Variants in SAMD4B observed in about 807,000 individuals in gnomAD.
The protein encoded by SAMD4B is protein Smaug homolog 2.
SAMD4B carries 5 observed loss-of-function variants against 74.5 expected under a neutral mutation model. That is an observed-to-expected ratio of 0.07 (90% CI 0.04 to 0.14). The LOEUF (loss-of-function observed/expected upper bound fraction) is 0.14. Ranked by LOEUF, SAMD4B falls within the 10% of genes least tolerant of loss-of-function variation. The pLI, the probability that SAMD4B is intolerant of heterozygous loss-of-function variation, is 1.00. For synonymous variants in SAMD4B, 373 were observed against 374.9 expected (o/e 1.00, Z 0.06); for missense variants, 608 against 921.8 (o/e 0.66, Z 4.41).
intron 3 of SAMD4B, among the ~76,000 whole-genome samples, chr19:39,360,976 C>T (rs912713084): frequency 1.3e-5 from 2 of 152,092 alleles, no homozygotes; most frequent in Admixed American, 1.3e-4. Flanking sequence ...ATGAGACACC[C>T]AAGAGTTGTA....
At chr19:39,386,754 G>A (rs764685431), downstream of SAMD4B, 9 of 1,614,016 alleles carry the variant, frequency 5.6e-6, no homozygotes, top group Non-Finnish European at 7.6e-6. The surrounding 1 kb of genome is among the most constrained non-coding windows in gnomAD (Gnocchi z 6.1). Flanking sequence ...GGGCGTTGGT[G>A]CCTGACTGAA....
At chr19:39,351,881 AG>A (rs1436546061) in intron 1 of SAMD4B, 1 of 152,226 alleles carries the variant, frequency 6.6e-6, no homozygotes, top group African/African-American at 2.4e-5. Flanking sequence ...CCACTTCTGG[AG>A]CCAAGAAAGA....
intron 3 of SAMD4B, among the ~76,000 whole-genome samples, chr19:39,360,796 A>C (rs770170470): frequency 6.6e-6 from 1 of 152,166 alleles, no homozygotes; most frequent in East Asian, 1.9e-4. Context: ...TTGCATCATC[A>C]TCAGAATCAC....
At chr19:39,379,606 T>C (rs1418582111) in intron 9 of SAMD4B, among the ~76,000 whole-genome samples, 2 of 152,332 alleles carry the variant, frequency 1.3e-5, no homozygotes, top group Admixed American at 1.3e-4. Flanking sequence ...AGTCTCGCTC[T>C]GTTGCCCAGG....
intron 1 of SAMD4B, among the ~76,000 whole-genome samples, chr19:39,348,658 G>A (rs774206939): frequency 6.6e-6 from 1 of 152,166 alleles, no homozygotes; most frequent in Non-Finnish European, 1.5e-5. Flanking sequence ...GTTTTTAAAA[G>A]CAAGACAGCG....
At chr19:39,372,887 G>T (rs2077390282) in intron 4 of SAMD4B, among the ~76,000 whole-genome samples, 1 of 152,236 alleles carries the variant, frequency 6.6e-6, no homozygotes. Context: ...GGGGACAGAA[G>T]CCAGGGCTGA....
In SAMD4B at chr19:39,374,296, A is replaced by G. The variant is rs112956002; in HGVS notation, c.668-1354A>G. 6.2e-3 allele frequency among the ~76,000 whole-genome samples: 937 copies of G among 152,140 alleles called. 9 individuals carry two copies. The highest frequency in any genetic ancestry group is 0.021 in the African/African-American group (891 of 41,496). On this transcript the variant is annotated intron_variant, in intron 4 of 13. Transcript: ENST00000610417. ...AAAATCAAGTTGGATTCCTTTGCCA[A>G]CCTCAGACTTGGGATGGACAGAGGG...
rs2078125226 is a variant in SAMD4B at position 39,383,452 on chromosome 19, TC to T, written c.2057-44del. On this transcript the variant is annotated intron_variant, in intron 13 of 13. Coordinates refer to ENST00000610417, the MANE Select transcript of SAMD4B (RefSeq NM_001384574.2). This position sits in a 1 kb window ranked among gnomAD's most constrained non-coding sequence, Gnocchi z 4.1. Reference sequence around the variant, plus strand: ...CTACCTGAGTGCCTTTTCTTGGGCCTCCCTCCAGCTCCTGATCTTCCTCCCT... The same window carrying T: ...CTACCTGAGTGCCTTTTCTTGGGCCTCCTCCAGCTCCTGATCTTCCTCCCT... 6.2e-7 allele frequency: 1 copy of T among 1,606,826 alleles called. No homozygotes were observed. The highest frequency in any genetic ancestry group is 8.5e-7 in the Non-Finnish European group (1 of 1,173,352).
At chr19:39,342,906 G>T (rs1392317579) in intron 1 of SAMD4B, among the ~76,000 whole-genome samples, 1 of 136,126 alleles carries the variant, frequency 7.3e-6, no homozygotes, top group Non-Finnish European at 1.6e-5. Context: ...AAAGCCTGCC[G>T]ATCCCCCGTG....
Position 39,378,611 on chromosome 19 carries a change from T to A in SAMD4B, c.1530+22T>A. Reference sequence around the variant, plus strand: ...TGAGGTAAGGCCTTCCCTAGCATACTCAAAAAGGGAAAGGCGGCCAGGCGT... The same window carrying A: ...TGAGGTAAGGCCTTCCCTAGCATACACAAAAAGGGAAAGGCGGCCAGGCGT... On this transcript the variant is annotated intron_variant, in intron 9 of 13. Coordinates refer to ENST00000610417, the MANE Select transcript of SAMD4B (RefSeq NM_001384574.2). The surrounding 1 kb of genome is among the most constrained non-coding windows in gnomAD (Gnocchi z 4.4). The A allele has an allele frequency of 1.2e-6, 2 of 1,608,716 alleles. No homozygotes were observed. Among genetic ancestry groups the A allele is most frequent in the South Asian group, 2.2e-5 (2 of 90,948 alleles).
chr19:39,359,217 A>G (rs754126440), intron 3 of SAMD4B, among the ~76,000 whole-genome samples: 1 of 152,200 alleles, frequency 6.6e-6, no homozygotes. Context: ...TTCGTCACAC[A>G]TCCCCACTGT....
chr19:39,353,072 C>T (rs1245434147), intron 1 of SAMD4B, among the ~76,000 whole-genome samples: 1 of 152,166 alleles, frequency 6.6e-6, no homozygotes, highest in Non-Finnish European at 1.5e-5. Flanking sequence ...CATTCTTGGA[C>T]AGATGCGTTA....
intron 2 of SAMD4B, among the ~76,000 whole-genome samples, chr19:39,355,744 C>T (rs931477550): frequency 5.9e-5 from 9 of 152,222 alleles, no homozygotes; most frequent in African/African-American, 2.2e-4. Context: ...TCTTTAGTTC[C>T]TGCCTAAGAG....
intron 1 of SAMD4B, among the ~76,000 whole-genome samples, chr19:39,345,137 C>T (rs1411706589): frequency 6.6e-6 from 1 of 152,194 alleles, no homozygotes; most frequent in Non-Finnish European, 1.5e-5. Context: ...TTGATGCACA[C>T]GCAAGTTTGA....
chr19:39,378,039 G>C lies in SAMD4B; in HGVS notation c.1444+215G>C, dbSNP rs749185126. 7.9e-5 allele frequency among the ~76,000 whole-genome samples: 12 copies of C among 152,202 alleles called. No individual in the cohort carries two copies. Among genetic ancestry groups the C allele is most frequent in the Non-Finnish European group, 1.5e-4 (10 of 68,044 alleles). On this transcript the variant is annotated intron_variant, in intron 8 of 13. Transcript: ENST00000610417. This position sits in a 1 kb window ranked among gnomAD's most constrained non-coding sequence, Gnocchi z 4.4. Reference sequence around the variant, plus strand: ...GTGGATAACAGCCCTTCCCCTCAAAGCGTCTCCAGGCTGAGCAGAAATGGG... The same window carrying C: ...GTGGATAACAGCCCTTCCCCTCAAACCGTCTCCAGGCTGAGCAGAAATGGG...
chr19:39,388,573 C>T (rs1600610965), downstream of SAMD4B: 1 of 1,614,048 alleles, frequency 6.2e-7, no homozygotes, highest in East Asian at 2.2e-5. Context: ...TCATCTGGTG[C>T]ATAGTCCATC....
Position 39,356,884 on chromosome 19 carries a change from G to A in SAMD4B, c.-10G>A. 6.2e-7 allele frequency: 1 copy of A among 1,601,194 alleles called. No individual in the cohort carries two copies. Among genetic ancestry groups the A allele is most frequent in the Non-Finnish European group, 8.5e-7 (1 of 1,171,240 alleles). The stretch of plus-strand genomic sequence containing the variant: ...CGCCGTCCCCCGACCCTGGCCCCAG[G>A]CCCGGCACCATGATGTTCCGAGACC... On this transcript the variant is annotated 5_prime_UTR_variant, in exon 3 of 14. Transcript: ENST00000610417.
At chr19:39,389,809 C>T (rs2078334098), downstream of SAMD4B, 3 of 1,612,264 alleles carry the variant, frequency 1.9e-6, no homozygotes, top group Non-Finnish European at 1.7e-6. The surrounding 1 kb of genome is among the most constrained non-coding windows in gnomAD (Gnocchi z 5.3). Context: ...AGCTTCACCC[C>T]TCACAGCCCT....
chr19:39,360,202 AAAAAT>A lies in SAMD4B; in HGVS notation c.196+3125_196+3129del, dbSNP rs1488319642. On this transcript the variant is annotated intron_variant, in intron 3 of 13. Transcript: ENST00000610417. ...CTCCGTCTCAAAAAAAAAAAAATAA[AAAAAT>A]AAAATAAAATATTTGTTCTCACCAC... 2.6e-5 allele frequency: 4 copies of A among 151,934 alleles called. No individual in the cohort carries two copies. The East Asian group carries it at 5.8e-4, about 22-fold the overall frequency. The allele number at this position is 151,934 out of a possible 1,614,324, so 9.4% of individuals were successfully genotyped here. A position where few individuals can be genotyped will look rare whatever the true frequency, so the allele number is the denominator to read the frequency against.
Sources: gnomAD v4.1 joint callset for allele counts (sites outside exome capture counted in the v4.1 genomes callset) on GRCh38, gnomAD v4.1.1 for gene constraint, Gnocchi (gnomAD v3.1) non-coding constraint, MANE v1.5 for transcripts, NCBI Gene and HGNC (gene_info 2026-07-23, HGNC 2026-07-21) for gene names.